Variants in COL22A1 observed in about 807,000 individuals in gnomAD.
COL22A1 encodes the protein collagen type XXII alpha 1 chain, also known as collagen alpha-1(XXII) chain.
Under a neutral mutation model 248.9 loss-of-function variants are expected in COL22A1, and 221 were observed. The ratio of observed to expected loss-of-function variants is 0.89; its 90% CI spans 0.80 to 0.99. COL22A1 has a LOEUF of 0.99. Ranked by LOEUF, COL22A1 falls within the 50% of genes least tolerant of loss-of-function variation. The pLI, the probability that COL22A1 is intolerant of heterozygous loss-of-function variation, is 0.00. For missense variants in COL22A1, 2,240 were observed against 2,179.0 expected, an observed-to-expected ratio of 1.03 and a Z score of -0.56; for synonymous variants, 891 against 793.4, an observed-to-expected ratio of 1.12 and a Z score of -2.07.
chr8:138,814,890 C>T (rs149446703), intron 7 of COL22A1, among the ~76,000 whole-genome samples: 66 of 152,302 alleles, frequency 4.3e-4, no homozygotes, highest in South Asian at 8.3e-4. Context: ...GCCACATGTG[C>T]ATCTTGCATG....
intron 10 of COL22A1, 54 bp from the exon 11 acceptor site, chr8:138,802,988 T>C: frequency 7.1e-7 from 1 of 1,410,704 alleles, no homozygotes; most frequent in African/African-American, 1.4e-5. Context: ...GACAGGGCTC[T>C]TGCACACACA....
chr8:138,874,823 C>T (rs1469007895), intron 3 of COL22A1, among the ~76,000 whole-genome samples: 40 of 152,184 alleles, frequency 2.6e-4, no homozygotes, highest in Non-Finnish European at 1.5e-5. Context: ...TCTTGCTCCT[C>T]TTTGCCTGTG....
chr8:138,902,737 T>TACACACACACAC (rs777413704), intron 1 of COL22A1, among the ~76,000 whole-genome samples: 204 of 107,050 alleles, frequency 1.9e-3, no homozygotes, highest in Middle Eastern at 5.3e-3. Flanking sequence ...TATATATATA[T>TACACACACACAC]ATACACACAC....
Position 138,844,807 on chromosome 8 carries a change from G to A in COL22A1, c.659-649C>T, listed in dbSNP as rs188830655. Among the ~76,000 whole-genome samples the A allele has an allele frequency of 5.1e-3, 782 of 152,136 alleles. 2 individuals are homozygous for A. Among genetic ancestry groups the A allele is most frequent in the Non-Finnish European group, 8.5e-3 (580 of 68,002 alleles). ...CTACTAAAGATACAAAAAATTAGCC[G>A]GGCGTGGTGGCAGGCGCCTGTAGTC... On this transcript the variant is annotated intron_variant, in intron 3 of 64. Transcript: ENST00000303045.
rs137992510 is a variant in COL22A1, at chr8:138,730,256, A to T, written c.2140-4816T>A. Among the ~76,000 whole-genome samples, 10 of 152,268 alleles carry T rather than the reference A, an allele frequency of 6.6e-5. 1 individual carries two copies. Among genetic ancestry groups the T allele is most frequent in the African/African-American group, 2.4e-4 (10 of 41,562 alleles). On this transcript the variant is annotated intron_variant, in intron 23 of 64. Coordinates refer to ENST00000303045, the MANE Select transcript of COL22A1 (RefSeq NM_152888.3). ...GTCAACAGGTGACAGGGTGTGGGTGATGCCTTTAAAGGGAGAGGGGCAGTG... is the reference window on the plus strand; with the variant it reads ...GTCAACAGGTGACAGGGTGTGGGTGTTGCCTTTAAAGGGAGAGGGGCAGTG...
chr8:138,667,337 G>A (rs1268108648), intron 41 of COL22A1, among the ~76,000 whole-genome samples: 1 of 152,084 alleles, frequency 6.6e-6, no homozygotes, highest in Non-Finnish European at 1.5e-5. Context: ...AAATGTACAC[G>A]ACAAACCTAG....
At chr8:138,863,951 A>G (rs1304492550) in intron 3 of COL22A1, among the ~76,000 whole-genome samples, 4 of 152,180 alleles carry the variant, frequency 2.6e-5, no homozygotes, top group African/African-American at 9.7e-5. Context: ...TACCTATCAG[A>G]TTTCACAAAC....
chr8:138,824,790 C>T (rs1467952080), intron 6 of COL22A1, among the ~76,000 whole-genome samples: 1 of 152,158 alleles, frequency 6.6e-6, no homozygotes, highest in Non-Finnish European at 1.5e-5. Context: ...AGTATTTCCC[C>T]AGGGCGTGGA....
At chr8:138,650,594 C>A (rs946514542) in intron 45 of COL22A1, among the ~76,000 whole-genome samples, 1 of 152,126 alleles carries the variant, frequency 6.6e-6, no homozygotes, top group African/African-American at 2.4e-5. Flanking sequence ...TCCCTCTCAT[C>A]CACCCTGCCT....
chr8:138,591,555 A>G (rs2131772338), intron 63 of COL22A1, 54 bp from the exon 64 acceptor site: 1 of 1,391,956 alleles, frequency 7.2e-7, no homozygotes, highest in Non-Finnish European at 9.6e-7. Flanking sequence ...GAGGACAGAA[A>G]CTGGGCGTCC....
intron 29 of COL22A1, 37 bp downstream of exon 29, chr8:138,716,190 G>C: frequency 1.3e-6 from 2 of 1,523,196 alleles, no homozygotes. Context: ...AGATGGGCGA[G>C]GTTCCTGTGT....
intron 22 of COL22A1, among the ~76,000 whole-genome samples, chr8:138,751,247 T>C (rs1282208910): frequency 6.6e-6 from 1 of 152,230 alleles, no homozygotes; most frequent in East Asian, 1.9e-4. Context: ...GACAACAGAC[T>C]GATCTCCATG....
At chr8:138,823,127 C>T (rs1488656758) in intron 6 of COL22A1, among the ~76,000 whole-genome samples, 1 of 152,186 alleles carries the variant, frequency 6.6e-6, no homozygotes, top group Non-Finnish European at 1.5e-5. Context: ...CTTTCTACAG[C>T]TTCCTCATTT....
rs1829469375 is a variant in COL22A1, at chr8:138,716,808, A to C, written c.2400+17T>G. 6.3e-7 allele frequency: 1 copy of C among 1,588,882 alleles called. No individual in the cohort carries two copies. Among genetic ancestry groups the C allele is most frequent in the African/African-American group, 1.3e-5 (1 of 74,388 alleles). ...TGAATGAATAAAATGAATGAATAAA[A>C]GCACAAACAAACAGACCTTCTCTCC... On this transcript the variant is annotated intron_variant, in intron 28 of 64. Transcript: ENST00000303045.
intron 1 of COL22A1, among the ~76,000 whole-genome samples, chr8:138,904,991 C>T (rs1022450509): frequency 2.0e-5 from 3 of 152,180 alleles, no homozygotes; most frequent in Non-Finnish European, 4.4e-5. Flanking sequence ...GCCTCGGTTG[C>T]CTCATCTGTA....
chr8:138,899,666 G>A (rs182574716), intron 1 of COL22A1, among the ~76,000 whole-genome samples: 4 of 152,190 alleles, frequency 2.6e-5, no homozygotes, highest in Admixed American at 1.3e-4. Flanking sequence ...TGGGATTACA[G>A]GCATGCGCCA....
At chr8:138,655,429 G>T (rs569361844) in intron 45 of COL22A1, among the ~76,000 whole-genome samples, 1 of 152,240 alleles carries the variant, frequency 6.6e-6, no homozygotes, top group East Asian at 1.9e-4. Context: ...CATGCCCATG[G>T]CTCACTGCAG....
chr8:138,721,939 G>T, intron 26 of COL22A1, 97 bp downstream of exon 26: 2 of 943,760 alleles, frequency 2.1e-6, no homozygotes, highest in Non-Finnish European at 3.4e-6. Context: ...GAAGACCCAG[G>T]CAATTGACTT....
intron 10 of COL22A1, among the ~76,000 whole-genome samples, chr8:138,804,791 G>GGT (rs375153666): frequency 7.4e-5 from 9 of 122,350 alleles, no homozygotes; most frequent in East Asian, 4.2e-4. Flanking sequence ...AGGTGCGTGT[G>GGT]GTGTGTGTGT....
Sources: gnomAD v4.1 joint callset for allele counts (sites outside exome capture counted in the v4.1 genomes callset) on GRCh38, gnomAD v4.1.1 for gene constraint, MANE v1.5 for transcripts, NCBI Gene and HGNC (gene_info 2026-07-23, HGNC 2026-07-21) for gene names.